Variants in CDC25A observed in about 807,000 individuals in gnomAD.
The protein encoded by CDC25A is M-phase inducer phosphatase 1.
In CDC25A, 17 loss-of-function variants were observed where a neutral mutation model predicts 64.6. The ratio of observed to expected loss-of-function variants is 0.26; its 90% CI spans 0.18 to 0.39. The LOEUF (loss-of-function observed/expected upper bound fraction) is 0.39, where lower values mean the gene tolerates loss of function less well. Ranked by LOEUF, CDC25A falls within the 10% of genes least tolerant of loss-of-function variation. CDC25A has a pLI of 1.00. For missense variants in CDC25A, 473 were observed against 654.8 expected, an observed-to-expected ratio of 0.72 and a Z score of 3.03; for synonymous variants, 229 against 238.6, an observed-to-expected ratio of 0.96 and a Z score of 0.37.
At position 48,188,024 on chromosome 3, in the gene CDC25A, G is replaced by T. The variant is rs866267742; in HGVS notation, c.-77C>A. The T allele has an allele frequency of 2.1e-4, 247 of 1,192,680 alleles. No homozygotes were observed. Among genetic ancestry groups the T allele is most frequent in the African/African-American group, 9.3e-4 (58 of 62,438 alleles). The allele number at this position is 1,192,680 out of a possible 1,614,324, so 73.9% of individuals were successfully genotyped here. A position where few individuals can be genotyped will look rare whatever the true frequency, so the allele number is the denominator to read the frequency against. On this transcript the variant is annotated 5_prime_UTR_variant, in exon 1 of 15. Transcript: ENST00000302506. ...GCGACCGCCCCGCCCCGCCGACACC[G>T]GCCTCGGCCGCGCGCCACCGGCGCC...
intron 9 of CDC25A, among the ~76,000 whole-genome samples, chr3:48,170,732 ATGTCTC>A (rs1342722547): frequency 2.0e-5 from 3 of 152,196 alleles, no homozygotes; most frequent in African/African-American, 7.2e-5. Flanking sequence ...ACCTCTAATC[ATGTCTC>A]TGTCTTTCCA....
chr3:48,165,484 C>G, intron 12 of CDC25A, 152 bp downstream of exon 12: 1 of 612,738 alleles, frequency 1.6e-6, no homozygotes, highest in South Asian at 2.0e-5. Context: ...TTAAGAGCAC[C>G]CGGAATCAAA....
At chr3:48,187,510 G>C (rs1377767092) in intron 1 of CDC25A, among the ~76,000 whole-genome samples, 1 of 152,258 alleles carries the variant, frequency 6.6e-6, no homozygotes. Flanking sequence ...GGAGAGTACG[G>C]AGCAATCCGA....
chr3:48,177,204 A>G (rs1240947554), intron 8 of CDC25A, among the ~76,000 whole-genome samples, 167 bp downstream of exon 8: 1 of 152,182 alleles, frequency 6.6e-6, no homozygotes, highest in Non-Finnish European at 1.5e-5. Context: ...ATGCAGAGAG[A>G]TATCATGACT....
intron 5 of CDC25A, among the ~76,000 whole-genome samples, chr3:48,181,274 C>T (rs1470705079): frequency 6.7e-6 from 1 of 150,328 alleles, no homozygotes; most frequent in African/African-American, 2.4e-5. Context: ...CTATTCTATA[C>T]TAAAAGCAAT....
chr3:48,174,536 T>C (rs2106730291), intron 8 of CDC25A, 79 bp from the exon 9 acceptor site: 1 of 1,370,502 alleles, frequency 7.3e-7, no homozygotes, highest in Non-Finnish European at 1.0e-6. Flanking sequence ...AAACCGAAGG[T>C]TTCCTGGGAT....
At chr3:48,184,188 C>T (rs867551901) in intron 3 of CDC25A, among the ~76,000 whole-genome samples, 10 of 152,064 alleles carry the variant, frequency 6.6e-5, no homozygotes, top group South Asian at 2.1e-4. Context: ...ACGATGAAAC[C>T]TCGTGTCTAC....
At chr3:48,173,142 C>T (rs1397225104) in intron 9 of CDC25A, among the ~76,000 whole-genome samples, 7 of 143,008 alleles carry the variant, frequency 4.9e-5, no homozygotes, top group African/African-American at 1.9e-4. Flanking sequence ...GGCATGAACC[C>T]GGGAGGCAGA....
intron 9 of CDC25A, among the ~76,000 whole-genome samples, chr3:48,171,539 C>A (rs991375284): frequency 6.6e-6 from 1 of 151,558 alleles, no homozygotes; most frequent in Non-Finnish European, 1.5e-5. Context: ...TACCACCACA[C>A]CCAGCTATTT....
rs752319838 is a variant in CDC25A at position 48,164,300 on chromosome 3, C to A, written c.1322+7G>T. On this transcript the variant is annotated splice_region_variant and intron_variant, in intron 13 of 14. Transcript: ENST00000302506. ...TGCCCCAGAACCCAGTTCCGTGCAGCACTCACATGCGGGGACCTCTCTCAG... is the reference window on the plus strand; with the variant it reads ...TGCCCCAGAACCCAGTTCCGTGCAGAACTCACATGCGGGGACCTCTCTCAG... The A allele has an allele frequency of 3.8e-6, 6 of 1,563,638 alleles. No homozygotes were observed. In the East Asian group the frequency reaches 1.4e-4, roughly 37 times the overall value.
chr3:48,162,194 A>G (rs2031796866), intron 13 of CDC25A, among the ~76,000 whole-genome samples: 1 of 152,166 alleles, frequency 6.6e-6, no homozygotes, highest in Non-Finnish European at 1.5e-5. Flanking sequence ...CTGTGTGTAG[A>G]GCATGTACAT....
Position 48,180,815 on chromosome 3 carries a change from A to G in CDC25A, c.455T>C (p.Val152Ala). ...CAGGCAGCCACGAGATACAGGTCTTACTGGCTTCTTAAACTCAAAGGCTTC... is the reference window on the plus strand; with the variant it reads ...CAGGCAGCCACGAGATACAGGTCTTGCTGGCTTCTTAAACTCAAAGGCTTC... ...ENEAFEFKKP[V>A]RPVSRGCLHS... Residue 152 changes from valine to alanine, a missense_variant, in exon 6 of 15, where the codon GTA becomes GCA. Physicochemically the swap from Val to Ala is moderately conservative, Grantham distance 64. This residue lies in a region of CDC25A where 376 missense variants were observed against 431.9 expected (regional missense o/e 0.87). Transcript: ENST00000302506. The G allele has an allele frequency of 6.2e-7, 1 of 1,614,080 alleles. No homozygotes were observed. The highest frequency in any genetic ancestry group is 8.5e-7 in the Non-Finnish European group (1 of 1,179,960).
intron 8 of CDC25A, among the ~76,000 whole-genome samples, chr3:48,175,499 A>G (rs2032422931): frequency 6.6e-6 from 1 of 152,138 alleles, no homozygotes; most frequent in Non-Finnish European, 1.5e-5. Flanking sequence ...TAACATTTCA[A>G]TGTCACTTCT....
intron 6 of CDC25A, among the ~76,000 whole-genome samples, chr3:48,180,135 C>T (rs184330881): frequency 6.6e-6 from 1 of 152,236 alleles, no homozygotes; most frequent in African/African-American, 2.4e-5. Flanking sequence ...TGTGGTCTCA[C>T]TATGCTGCCC....
rs1238973754 is a variant in CDC25A at position 48,158,731 on chromosome 3, C to T, written c.*214G>A. 2.1e-5 allele frequency: 12 copies of T among 565,918 alleles called. No homozygotes were observed. The highest frequency in any genetic ancestry group is 7.5e-5 in the African/African-American group (4 of 53,260). The allele number at this position is 565,918 out of a possible 1,614,324, so 35.1% of individuals were successfully genotyped here. A position where few individuals can be genotyped will look rare whatever the true frequency, so the allele number is the denominator to read the frequency against. On this transcript the variant is annotated 3_prime_UTR_variant, in exon 15 of 15. Coordinates refer to ENST00000302506, the MANE Select transcript of CDC25A (RefSeq NM_001789.3). The stretch of plus-strand genomic sequence containing the variant: ...CATTGTGGCACAGTTCTGATATGGA[C>T]GGAGGACGTCTAACAGGGACAGAAG...
intron 6 of CDC25A, among the ~76,000 whole-genome samples, chr3:48,179,229 A>C (rs2032574679): frequency 6.6e-6 from 1 of 152,218 alleles, no homozygotes; most frequent in Non-Finnish European, 1.5e-5. Context: ...CTTTATCACG[A>C]AAGCTCACAC....
chr3:48,167,443 G>A (rs770768908), intron 10 of CDC25A, among the ~76,000 whole-genome samples: 3 of 152,102 alleles, frequency 2.0e-5, no homozygotes, highest in Non-Finnish European at 4.4e-5. Flanking sequence ...TTCTCTGAAC[G>A]GAGAAATTCA....
intron 5 of CDC25A, among the ~76,000 whole-genome samples, chr3:48,182,572 G>C (rs1025596311): frequency 1.3e-5 from 2 of 152,152 alleles, no homozygotes; most frequent in African/African-American, 2.4e-5. Context: ...AGCCTGGGCA[G>C]AGCCTTCCAG....
At chr3:48,161,780 C>A (rs938288667) in intron 13 of CDC25A, among the ~76,000 whole-genome samples, 1 of 151,680 alleles carries the variant, frequency 6.6e-6, no homozygotes, top group African/African-American at 2.4e-5. Flanking sequence ...GTATGTGTGT[C>A]CAGATTAGTT....
Sources: allele counts gnomAD v4.1 joint callset (sites outside exome capture counted in the v4.1 genomes callset), GRCh38; gene constraint gnomAD v4.1.1; regional missense constraint gnomAD v4.1.1; transcripts MANE v1.5; gene names NCBI Gene and HGNC (gene_info 2026-07-23, HGNC 2026-07-21).